The following IL1RAPL2 variants were observed in gnomAD, a reference collection of about 807,000 sequenced individuals.
The protein encoded by IL1RAPL2 is interleukin 1 receptor accessory protein like 2.
IL1RAPL2 carries 3 observed loss-of-function variants against 44.1 expected under a neutral mutation model. The ratio of observed to expected loss-of-function variants is 0.07; its 90% CI spans 0.03 to 0.18. IL1RAPL2 has a LOEUF of 0.18. IL1RAPL2 is among the 10% of genes least tolerant of loss of function. IL1RAPL2 has a pLI of 1.00. For missense variants in IL1RAPL2, 391 were observed against 496.4 expected (o/e 0.79, Z 2.02); for synonymous variants, 181 against 178.8 (o/e 1.01, Z -0.10).
chrX:105,331,399 A>C (rs2034985226), intron 5 of IL1RAPL2, among the ~76,000 whole-genome samples: 1 of 111,961 alleles, frequency 8.9e-6, no homozygotes, highest in African/African-American at 3.2e-5. Flanking sequence ...CTGGAAGCTT[A>C]CATATTCCAT....
At chrX:105,345,130 G>A (rs759585919) in intron 5 of IL1RAPL2, among the ~76,000 whole-genome samples, 5 of 111,345 alleles carry the variant, frequency 4.5e-5, no homozygotes, top group Non-Finnish European at 9.4e-5. Context: ...ACTTTTAGAC[G>A]ACTAATCTAC....
intron 2 of IL1RAPL2, among the ~76,000 whole-genome samples, chrX:104,935,416 A>C (rs1228206306): frequency 2.7e-5 from 3 of 111,982 alleles, no homozygotes; most frequent in Admixed American, 9.5e-5. Context: ...ATCCTATATA[A>C]TCTAAAGGTA....
At chrX:104,643,031 T>C (rs943172653) in intron 1 of IL1RAPL2, among the ~76,000 whole-genome samples, 2 of 112,223 alleles carry the variant, frequency 1.8e-5, no homozygotes, top group African/African-American at 6.5e-5. Context: ...TAACAGCTAA[T>C]TTGTTCTCCA....
At chrX:105,403,665 G>A (rs2035621832) in intron 5 of IL1RAPL2, among the ~76,000 whole-genome samples, 1 of 111,572 alleles carries the variant, frequency 9.0e-6, no homozygotes, top group South Asian at 3.8e-4. Flanking sequence ...ATGTCTTGGG[G>A]AGTATTTGAG....
chrX:104,739,742 T>A (rs1293649313), intron 2 of IL1RAPL2, among the ~76,000 whole-genome samples: 1 of 112,110 alleles, frequency 8.9e-6, no homozygotes, highest in Non-Finnish European at 1.9e-5. Context: ...TTTTCATGTC[T>A]TTTGTCTTAC....
chrX:105,081,768 G>C (rs946517343), intron 2 of IL1RAPL2, among the ~76,000 whole-genome samples: 2 of 111,723 alleles, frequency 1.8e-5, no homozygotes, highest in African/African-American at 6.5e-5. Flanking sequence ...TTATGTGATG[G>C]ATTATGTATA....
At chrX:104,656,116 A>T (rs1384231706) in intron 1 of IL1RAPL2, among the ~76,000 whole-genome samples, 2 of 110,133 alleles carry the variant, frequency 1.8e-5, no homozygotes, top group Non-Finnish European at 3.8e-5. Context: ...GATCTTTTCA[A>T]AAAACCAACC....
At chrX:105,071,308 A>C (rs1359852407) in intron 2 of IL1RAPL2, among the ~76,000 whole-genome samples, 1 of 111,929 alleles carries the variant, frequency 8.9e-6, no homozygotes, top group African/African-American at 3.2e-5. Flanking sequence ...CTTATGAATA[A>C]ATTTAACCAA....
At chrX:104,813,476 A>G (rs1038960550) in intron 2 of IL1RAPL2, among the ~76,000 whole-genome samples, 1 of 111,442 alleles carries the variant, frequency 9.0e-6, no homozygotes, top group Non-Finnish European at 1.9e-5. Context: ...ACATTGTACT[A>G]GAAAATCTTC....
Position 105,025,409 on chromosome X carries a change from A to AAGCTG in IL1RAPL2, c.83-170064_83-170060dup, listed in dbSNP as rs764515252. ...GACTGCTATACTCTCCTCAAAGTATAAGCTGATTAGACTTTATCTTTGACT... is the reference window on the plus strand; with the variant it reads ...GACTGCTATACTCTCCTCAAAGTATAAGCTGAGCTGATTAGACTTTATCTTTGACT... On this transcript the variant is annotated intron_variant, in intron 2 of 10. Transcript: ENST00000372582. Among the ~76,000 whole-genome samples the AAGCTG allele has an allele frequency of 3.6e-5, 4 of 111,679 alleles. No individual in the cohort carries two copies. The Admixed American group carries it at 3.8e-4, about 11-fold the overall frequency.
intron 2 of IL1RAPL2, among the ~76,000 whole-genome samples, chrX:105,122,343 A>G: frequency 9.0e-6 from 1 of 111,692 alleles, no homozygotes; most frequent in Middle Eastern, 4.7e-3. Context: ...TTGGCCTTGG[A>G]GGAAAAAAGG....
intron 2 of IL1RAPL2, among the ~76,000 whole-genome samples, chrX:104,945,737 G>A (rs753221301): frequency 8.9e-6 from 1 of 111,791 alleles, no homozygotes; most frequent in East Asian, 2.8e-4. Flanking sequence ...TTTAGAATAC[G>A]CCAATGAGCA....
intron 5 of IL1RAPL2, among the ~76,000 whole-genome samples, chrX:105,457,842 G>A (rs911163118): frequency 9.1e-6 from 1 of 110,231 alleles, no homozygotes; most frequent in Non-Finnish European, 1.9e-5. Context: ...CTTAGGAGTG[G>A]AATTACTGGG....
chrX:105,155,949 T>C (rs2033265450), intron 2 of IL1RAPL2, among the ~76,000 whole-genome samples: 1 of 111,383 alleles, frequency 9.0e-6, no homozygotes, highest in African/African-American at 3.3e-5. Context: ...GCAAGCCACT[T>C]TGACTGTAAT....
intron 2 of IL1RAPL2, among the ~76,000 whole-genome samples, chrX:105,148,248 C>T (rs1362730174): frequency 9.0e-6 from 1 of 111,333 alleles, no homozygotes; most frequent in Non-Finnish European, 1.9e-5. Context: ...CCTATGGCCA[C>T]CTCCATGCTG....
intron 1 of IL1RAPL2, among the ~76,000 whole-genome samples, chrX:104,589,131 A>G (rs1232580969): frequency 9.0e-6 from 1 of 111,701 alleles, no homozygotes; most frequent in East Asian, 2.8e-4. Context: ...AACTCCTACA[A>G]GTTTAGCATT....
chrX:104,908,708 C>G (rs1924122843), intron 2 of IL1RAPL2, among the ~76,000 whole-genome samples: 1 of 109,984 alleles, frequency 9.1e-6, no homozygotes, highest in Non-Finnish European at 1.9e-5. Context: ...TGAGGGTAAC[C>G]CGACCTTTCT....
chrX:105,323,408 T>A (rs887263773), intron 5 of IL1RAPL2, among the ~76,000 whole-genome samples: 16 of 111,788 alleles, frequency 1.4e-4, no homozygotes, highest in African/African-American at 4.5e-4. Flanking sequence ...AAGGAGCGGT[T>A]AAGTCAGATA....
At chrX:104,906,457 T>C (rs750241854) in intron 2 of IL1RAPL2, among the ~76,000 whole-genome samples, 3 of 111,530 alleles carry the variant, frequency 2.7e-5, no homozygotes, top group African/African-American at 9.8e-5. Flanking sequence ...TAGATAGCTC[T>C]TATTATTTTG....
Sources: allele counts gnomAD v4.1 joint callset (sites outside exome capture counted in the v4.1 genomes callset), GRCh38; gene constraint gnomAD v4.1.1; transcripts MANE v1.5; gene names NCBI Gene and HGNC (gene_info 2026-07-23, HGNC 2026-07-21).